UNC80: variants seen among roughly 807,000 people sequenced by gnomAD.
UNC80 encodes the protein protein unc-80 homolog.
Under a neutral mutation model 384.6 loss-of-function variants are expected in UNC80, and 164 were observed. The ratio of observed to expected loss-of-function variants is 0.43; its 90% CI spans 0.38 to 0.49. The LOEUF is 0.49. Among genes scored for constraint, UNC80 ranks in the 20% least tolerant of loss-of-function variants. The pLI, the probability that UNC80 is intolerant of heterozygous loss-of-function variation, is 0.00. For synonymous variants in UNC80, 1,486 were observed against 1,527.8 expected (o/e 0.97, Z 0.64); for missense variants, 3,330 against 4,143.0 (o/e 0.80, Z 5.39).
intron 48 of UNC80, among the ~76,000 whole-genome samples, chr2:209,955,782 C>A (rs1478437923): frequency 1.4e-5 from 2 of 144,182 alleles, no homozygotes; most frequent in African/African-American, 5.2e-5. Flanking sequence ...CTCACTCTGT[C>A]ACCCAGGCTG....
chr2:209,890,282 TAA>T (rs2086210578), intron 26 of UNC80, among the ~76,000 whole-genome samples: 2 of 152,284 alleles, frequency 1.3e-5, no homozygotes, highest in South Asian at 4.1e-4. Flanking sequence ...ATAAAAAAAG[TAA>T]AGTTTTTTGT....
chr2:209,935,898 C>A, intron 40 of UNC80, 90 bp downstream of exon 40: 1 of 782,184 alleles, frequency 1.3e-6, no homozygotes, highest in South Asian at 1.8e-5. Flanking sequence ...TGGCATTTTT[C>A]TGTCTTTAAA....
intron 21 of UNC80, 43 bp from the exon 22 acceptor site, chr2:209,849,408 G>T: frequency 1.3e-6 from 2 of 1,544,782 alleles, no homozygotes; most frequent in Non-Finnish European, 1.8e-6. Flanking sequence ...GATCCTTTAC[G>T]TTCTCTCTCT....
chr2:209,781,396 G>A (rs2077148729), intron 4 of UNC80, among the ~76,000 whole-genome samples: 1 of 152,162 alleles, frequency 6.6e-6, no homozygotes, highest in African/African-American at 2.4e-5. Context: ...AAACTACACT[G>A]TTTTTTAGGT....
At chr2:209,892,923 A>G (rs926766845) in intron 26 of UNC80, among the ~76,000 whole-genome samples, 1 of 152,190 alleles carries the variant, frequency 6.6e-6, no homozygotes, top group Non-Finnish European at 1.5e-5. Flanking sequence ...AATTCTACTC[A>G]GATGTGTTCA....
chr2:209,921,711 T>TG (rs773804114), intron 34 of UNC80, 25 bp downstream of exon 34: 19 of 1,518,358 alleles, frequency 1.3e-5, no homozygotes, highest in South Asian at 8.9e-5. Flanking sequence ...CAGGACTTCT[T>TG]GGGGGGCTGA....
At chr2:209,992,090 A>T in intron 61 of UNC80, 76 bp from the exon 62 acceptor site, 1 of 1,202,040 alleles carries the variant, frequency 8.3e-7, no homozygotes, top group Non-Finnish European at 1.2e-6. Context: ...CATACAAGTG[A>T]TTTTGGCTAA....
chr2:209,944,648 G>A (rs745440645), intron 45 of UNC80, among the ~76,000 whole-genome samples: 1 of 152,080 alleles, frequency 6.6e-6, no homozygotes, highest in African/African-American at 2.4e-5. Context: ...TATCAAAGAA[G>A]ACCTGTGAAA....
At chr2:209,813,414 A>C (rs553198698) in intron 7 of UNC80, among the ~76,000 whole-genome samples, 166 bp from the exon 8 acceptor site, 62 of 152,350 alleles carry the variant, frequency 4.1e-4, no homozygotes, top group African/African-American at 1.4e-3. Context: ...TGTTTAGTGA[A>C]AGTGGAATGA....
intron 41 of UNC80, 115 bp from the exon 42 acceptor site, chr2:209,937,414 C>G: frequency 1.3e-6 from 1 of 756,390 alleles, no homozygotes; most frequent in Non-Finnish European, 2.2e-6. Flanking sequence ...TTGCCTTTAG[C>G]TGCTTTTCTC....
At chr2:209,844,474 T>C (rs2082012783) in intron 21 of UNC80, among the ~76,000 whole-genome samples, 1 of 65,824 alleles carries the variant, frequency 1.5e-5, no homozygotes, top group South Asian at 4.6e-4. Context: ...TTTCTTTCTT[T>C]CTTTCCTTCC....
intron 42 of UNC80, among the ~76,000 whole-genome samples, chr2:209,938,444 G>A (rs1243521725): frequency 1.3e-5 from 2 of 152,024 alleles, no homozygotes; most frequent in East Asian, 1.9e-4. Flanking sequence ...GGTGAGCATC[G>A]CATAGAATTA....
intron 44 of UNC80, among the ~76,000 whole-genome samples, chr2:209,942,847 C>T (rs1327571346): frequency 1.1e-5 from 1 of 91,032 alleles, no homozygotes; most frequent in Non-Finnish European, 2.1e-5. Context: ...AATCCTGGCA[C>T]TCTTTCCTAC....
chr2:209,879,625 A>T (rs1161137108), intron 24 of UNC80, among the ~76,000 whole-genome samples: 1 of 152,196 alleles, frequency 6.6e-6, no homozygotes, highest in East Asian at 1.9e-4. Context: ...ATTATTTTTT[A>T]AAAAGTGTTG....
intron 13 of UNC80, among the ~76,000 whole-genome samples, chr2:209,821,937 T>C (rs769359183): frequency 3.3e-5 from 5 of 152,208 alleles, no homozygotes; most frequent in Non-Finnish European, 7.3e-5. Flanking sequence ...GTATAAACTA[T>C]AAATTGTCCA....
rs1187091531 is a variant in UNC80 at position 209,945,887 on chromosome 2, T to A, written c.7230T>A (p.Ser2410Arg). Residue 2410 changes from serine to arginine, a missense_variant, in exon 47 of 65, where the codon AGT becomes AGA. Physicochemically the swap from Ser to Arg is moderately radical, Grantham distance 110. Transcript: ENST00000673920. Reference sequence around the variant, plus strand: ...ACGAAGATCTGACATTTTCTATCAGTGAAGCCATTAAGCTCTGTGTCACTG... The same window carrying A: ...ACGAAGATCTGACATTTTCTATCAGAGAAGCCATTAAGCTCTGTGTCACTG... ...YGNEDLTFSI[S>R]EAIKLCVTVV... 1 of 1,552,058 alleles carries A rather than the reference T, an allele frequency of 6.4e-7. No homozygotes were observed. The highest frequency in any genetic ancestry group is 2.0e-5 in the Admixed American group (1 of 51,004).
chr2:209,972,356 A>C, intron 55 of UNC80, 32 bp downstream of exon 55: 1 of 1,546,798 alleles, frequency 6.5e-7, no homozygotes. Flanking sequence ...GAAATTTATC[A>C]TTGTTGTTGT....
intron 17 of UNC80, among the ~76,000 whole-genome samples, chr2:209,834,684 C>T (rs2081221987): frequency 6.6e-6 from 1 of 152,132 alleles, no homozygotes; most frequent in African/African-American, 2.4e-5. Flanking sequence ...ATCCTGCTTG[C>T]AGTTAATGAC....
At chr2:209,834,862 G>A in intron 17 of UNC80, 50 bp from the exon 18 acceptor site, 1 of 1,447,170 alleles carries the variant, frequency 6.9e-7, no homozygotes, top group Non-Finnish European at 9.5e-7. Context: ...GAAGTATTAA[G>A]ACTTGCTATC....
Sources: gnomAD v4.1 joint callset for allele counts (sites outside exome capture counted in the v4.1 genomes callset) on GRCh38, gnomAD v4.1.1 for gene constraint, MANE v1.5 for transcripts, NCBI Gene and HGNC (gene_info 2026-07-23, HGNC 2026-07-21) for gene names.